POTEF: variants seen among roughly 807,000 people sequenced by gnomAD.
POTEF encodes the protein ANKRD26-like family C member 1B.
POTEF carries 20 observed loss-of-function variants against 83.2 expected under a neutral mutation model. The observed-to-expected ratio is 0.24, with a 90% CI of 0.17 to 0.35. The LOEUF (loss-of-function observed/expected upper bound fraction) is 0.35, where lower values mean the gene tolerates loss of function less well. Ranked by LOEUF, POTEF falls within the 10% of genes least tolerant of loss-of-function variation. POTEF has a pLI of 1.00. For missense variants in POTEF, 550 were observed against 1,203.2 expected (o/e 0.46, Z 8.03); for synonymous variants, 196 against 446.4 (o/e 0.44, Z 7.07).
rs1427020488 is a variant in POTEF at position 130,124,112 on chromosome 2, C to T, written c.-93-3504G>A. Among the ~76,000 whole-genome samples the T allele has an allele frequency of 3.8e-5, 3 of 77,934 alleles. 1 individual carries two copies. The highest frequency in any genetic ancestry group is 7.3e-5 in the Non-Finnish European group (3 of 41,250). 51.1% of individuals were successfully genotyped at this position (77,934 alleles called of 152,430 possible). ...CCAAAGTCAAAGCATCAATTTATGA[C>T]ATTAAAGCACTTCTAAAACTTAACC... On this transcript the variant is annotated intron_variant, in intron 2 of 16. Transcript: ENST00000409914.
At chr2:130,109,858 C>G (rs1359188093) in intron 7 of POTEF, 2 of 151,760 alleles carry the variant, frequency 1.3e-5, no homozygotes, top group African/African-American at 4.9e-5. Flanking sequence ...GGATGCCCAG[C>G]GGCCAGAGCA....
intron 7 of POTEF, 82 bp downstream of exon 7, chr2:130,110,461 C>T (rs1684678609): frequency 1.3e-6 from 2 of 1,547,556 alleles, no homozygotes; most frequent in Admixed American, 3.6e-5. Context: ...TATGACATCT[C>T]ACCTGATATG....
chr2:130,115,365 G>A, intron 3 of POTEF, 37 bp from the exon 4 acceptor site: 2 of 1,612,140 alleles, frequency 1.2e-6, no homozygotes, highest in South Asian at 1.1e-5. Context: ...AAATTGTAGT[G>A]CACTAGCTAC....
intron 15 of POTEF, among the ~76,000 whole-genome samples, chr2:130,078,926 C>A (rs372151525): frequency 2.1e-5 from 1 of 48,672 alleles, no homozygotes; most frequent in Non-Finnish European, 3.9e-5. Context: ...CTATCTCTCA[C>A]CATATACAAA....
intron 9 of POTEF, among the ~76,000 whole-genome samples, chr2:130,101,818 C>T (rs1219399134): frequency 7.6e-6 from 1 of 131,310 alleles, no homozygotes; most frequent in African/African-American, 3.1e-5. Flanking sequence ...ATAAGCTAAT[C>T]AAAAAGGCAG....
intron 6 of POTEF, among the ~76,000 whole-genome samples, chr2:130,111,042 GTAAGAGAAA>G (rs1684696101): frequency 7.6e-6 from 1 of 131,050 alleles, no homozygotes; most frequent in Admixed American, 7.9e-5. Flanking sequence ...CAGCTAGGGG[GTAAGAGAAA>G]TAAGAGCTCT....
chr2:130,111,852 T>C, intron 6 of POTEF, 143 bp downstream of exon 6: 1 of 551,214 alleles, frequency 1.8e-6, no homozygotes, highest in South Asian at 2.7e-5. Flanking sequence ...CCAGCCCAAG[T>C]AATTGTTTTT....
At chr2:130,119,072 A>G (rs1380735325) in intron 3 of POTEF, among the ~76,000 whole-genome samples, 3 of 152,040 alleles carry the variant, frequency 2.0e-5, no homozygotes, top group Non-Finnish European at 4.4e-5. Context: ...ATTTATCACA[A>G]TAATAAAAGA....
intron 8 of POTEF, among the ~76,000 whole-genome samples, chr2:130,104,503 C>T (rs1224934241): frequency 6.7e-6 from 1 of 150,224 alleles, no homozygotes; most frequent in Non-Finnish European, 1.5e-5. Context: ...ACAAAAATGC[C>T]CTGCTAAAGG....
In POTEF at chr2:130,107,893, G is replaced by A. The variant is rs866051640; in HGVS notation, c.1126+116C>T. ...AAATGTAACATGATTGAATAATCCTGAAACCATCCCCACCCTCCCCCAGCC... is the reference window on the plus strand; with the variant it reads ...AAATGTAACATGATTGAATAATCCTAAAACCATCCCCACCCTCCCCCAGCC... On this transcript the variant is annotated intron_variant, in intron 8 of 16. Coordinates refer to ENST00000409914, the MANE Select transcript of POTEF (RefSeq NM_001099771.2). The A allele has an allele frequency of 5.3e-4, 514 of 973,962 alleles. 5 individuals are homozygous for A. The Middle Eastern group carries it at 0.012, about 22-fold the overall frequency. 60.3% of individuals were successfully genotyped at this position (973,962 alleles called of 1,614,324 possible).
Position 130,127,750 on chromosome 2 carries a change from CACGAG to C in POTEF, c.-140_-136del, listed in dbSNP as rs1685133668. ...CAGTCTCCGTGGCTGCCATCAGTCA[CACGAG>C]GCGAGCTGCAGAGTCACGCCACATG... On this transcript the variant is annotated 5_prime_UTR_variant, in exon 2 of 17. The change abolishes the stop of an existing upstream ORF in the 5' untranslated region. Transcript: ENST00000409914. The C allele has an allele frequency of 1.3e-5, 2 of 151,736 alleles. No homozygotes were observed. The highest frequency in any genetic ancestry group is 3.8e-4 in the South Asian group (2 of 5,278). 9.4% of individuals were successfully genotyped at this position (151,736 alleles called of 1,614,324 possible).
intron 2 of POTEF, among the ~76,000 whole-genome samples, chr2:130,126,785 T>C (rs1685101450): frequency 6.6e-6 from 1 of 151,938 alleles, no homozygotes; most frequent in Non-Finnish European, 1.5e-5. Context: ...AATTTTGGCT[T>C]GTTGTTTGTT....
chr2:130,108,891 T>A (rs1684624050), intron 7 of POTEF, among the ~76,000 whole-genome samples: 1 of 150,902 alleles, frequency 6.6e-6, no homozygotes, highest in Non-Finnish European at 1.5e-5. Context: ...TAGATGTCTG[T>A]TAGGATAATG....
intron 9 of POTEF, among the ~76,000 whole-genome samples, chr2:130,101,195 A>G (rs1684362980): frequency 6.9e-6 from 1 of 145,400 alleles, no homozygotes; most frequent in Non-Finnish European, 1.5e-5. Flanking sequence ...TCCTAACTGG[A>G]TTGTAGGCAC....
At position 130,074,905 on chromosome 2, in the gene POTEF, C is replaced by G; in HGVS notation, c.2567G>C (p.Gly856Ala). 6.3e-7 allele frequency: 1 copy of G among 1,598,466 alleles called. No individual in the cohort carries two copies. The highest frequency in any genetic ancestry group is 8.5e-7 in the Non-Finnish European group (1 of 1,174,686). ...GGGCACAGTGTGGGTGACCCCGTCACCAGAGTCCATCACGATGCCAGTAGT... is the reference window on the plus strand; with the variant it reads ...GGGCACAGTGTGGGTGACCCCGTCAGCAGAGTCCATCACGATGCCAGTAGT... ...GRTTGIVMDS[G>A]DGVTHTVPIY... The change falls in exon 17 of 17, where the codon GGT becomes GCT. Residue 856 changes from glycine (G) to alanine (A), a missense_variant. Physicochemically the swap from Gly to Ala is moderately conservative, Grantham distance 60 (BLOSUM62 0). Transcript: ENST00000409914.
chr2:130,101,016 G>A (rs62166764), intron 9 of POTEF, among the ~76,000 whole-genome samples: 85,080 of 141,256 alleles, frequency 0.6, 26,322 homozygotes, highest in Admixed American at 0.71. Flanking sequence ...ACTTAATTTG[G>A]TCACCATTTG....
chr2:130,110,160 G>C (rs532533383), intron 7 of POTEF, among the ~76,000 whole-genome samples: 62 of 151,578 alleles, frequency 4.1e-4, no homozygotes, highest in African/African-American at 1.5e-3. Flanking sequence ...GGAGTATGTA[G>C]GACATAGTCC....
At chr2:130,104,247 TTA>T (rs1684452348) in intron 8 of POTEF, among the ~76,000 whole-genome samples, 1 of 144,564 alleles carries the variant, frequency 6.9e-6, no homozygotes, top group African/African-American at 2.7e-5. Flanking sequence ...CTTTCTAAAG[TTA>T]TAGTGCCTAT....
chr2:130,088,908 G>A (rs1483997179), intron 12 of POTEF, among the ~76,000 whole-genome samples: 1 of 152,250 alleles, frequency 6.6e-6, no homozygotes, highest in African/African-American at 2.4e-5. Context: ...GCTATATGAA[G>A]TCTTCCTTGA....
Sources: allele counts gnomAD v4.1 joint callset (sites outside exome capture counted in the v4.1 genomes callset), GRCh38; gene constraint gnomAD v4.1.1; transcripts MANE v1.5; gene names NCBI Gene and HGNC (gene_info 2026-07-23, HGNC 2026-07-21).